POM121C: variants seen among roughly 807,000 people sequenced by gnomAD.
POM121C encodes nuclear envelope pore membrane protein POM 121C.
In POM121C, 20 loss-of-function variants were observed where a neutral mutation model predicts 66.4. The observed-to-expected ratio is 0.30, with a 90% CI of 0.21 to 0.44. The LOEUF is 0.44. Among genes scored for constraint, POM121C ranks in the 20% least tolerant of loss-of-function variants. The pLI, the probability that POM121C is intolerant of heterozygous loss-of-function variation, is 1.00. For missense variants in POM121C, 580 were observed against 1,225.7 expected, an observed-to-expected ratio of 0.47 and a Z score of 7.87; for synonymous variants, 286 against 528.0, an observed-to-expected ratio of 0.54 and a Z score of 6.28.
rs782053804 is a variant in POM121C at position 75,442,731 on chromosome 7, G to A, written c.-151-1084C>T. The A allele has an allele frequency of 3.4e-4, 456 of 1,352,846 alleles. 2 individuals are homozygous for A. The South Asian group carries it at 7.7e-3, about 23-fold the overall frequency. 83.8% of individuals were successfully genotyped at this position (1,352,846 alleles called of 1,614,324 possible). On this transcript the variant is annotated intron_variant, in intron 3 of 14. Coordinates refer to ENST00000615331, the MANE Select transcript of POM121C (RefSeq NM_001099415.3). ...GCCGCCGGAGACATCGCGGCTCCGC[G>A]CCGCGGAGGAGACTTAAATATCCCA...
intron 3 of POM121C, among the ~76,000 whole-genome samples, chr7:75,448,742 G>A (rs1790920173): frequency 6.7e-6 from 1 of 148,266 alleles, no homozygotes; most frequent in Non-Finnish European, 1.5e-5. Flanking sequence ...GGAGGTTGCA[G>A]TGAGCCGAGA....
Position 75,419,618 on chromosome 7 carries a change from G to A in POM121C, c.2744-176C>T, listed in dbSNP as rs587620576. 252 of 730,590 alleles carry A rather than the reference G, an allele frequency of 3.4e-4. 2 individuals carry two copies. In the East Asian group the frequency reaches 7.5e-3, roughly 22 times the overall value. The allele number at this position is 730,590 out of a possible 1,614,324, so 45.3% of individuals were successfully genotyped here. A position where few individuals can be genotyped will look rare whatever the true frequency, so the allele number is the denominator to read the frequency against. ...AGACAACCGAGTCTTCATGCCTGGT[G>A]CCCCAGCTCAGCCTGCTTCTCCCAC... On this transcript the variant is annotated intron_variant, in intron 13 of 14. Transcript: ENST00000615331.
chr7:75,481,025 C>CAA (rs199941717), intron 1 of POM121C, among the ~76,000 whole-genome samples: 5 of 136,646 alleles, frequency 3.7e-5, no homozygotes, highest in Non-Finnish European at 6.3e-5. Context: ...TCAAATAGTT[C>CAA]AAAAAATATA....
At chr7:75,484,365 G>A (rs1792426862) in intron 1 of POM121C, 2 of 640,112 alleles carry the variant, frequency 3.1e-6, no homozygotes, top group African/African-American at 3.7e-5. Context: ...AACACCCTGT[G>A]AACACTCAAC....
chr7:75,450,245 T>TA (rs1790976733), intron 3 of POM121C, among the ~76,000 whole-genome samples: 1 of 148,056 alleles, frequency 6.8e-6, no homozygotes, highest in Admixed American at 6.6e-5. Context: ...AGCAAACTAA[T>TA]AGAGACTTCC....
intron 3 of POM121C, among the ~76,000 whole-genome samples, chr7:75,468,387 G>A (rs1315862845): frequency 1.5e-5 from 2 of 136,564 alleles, no homozygotes; most frequent in East Asian, 2.1e-4. Flanking sequence ...GTGCAATCTC[G>A]GCTCACTGCA....
intron 3 of POM121C, among the ~76,000 whole-genome samples, chr7:75,450,102 G>C (rs1338120204): frequency 6.6e-6 from 1 of 152,150 alleles, no homozygotes; most frequent in Admixed American, 6.6e-5. Flanking sequence ...CTATCTGCAA[G>C]CCAATGAGAG....
intron 11 of POM121C, 80 bp downstream of exon 11, chr7:75,424,446 A>G: frequency 1.3e-6 from 2 of 1,558,078 alleles, no homozygotes; most frequent in Non-Finnish European, 8.8e-7. Flanking sequence ...AGAGAAACCC[A>G]TTTTTCCAAA....
intron 1 of POM121C, among the ~76,000 whole-genome samples, chr7:75,479,644 T>TAAAC (rs1207878686): frequency 4.8e-5 from 7 of 146,712 alleles, no homozygotes; most frequent in Non-Finnish European, 7.5e-5. Context: ...AATAAATAAA[T>TAAAC]AAATAAATAC....
chr7:75,441,403 G>A lies in POM121C; in HGVS notation c.65+29C>T, dbSNP rs782465008. 9 of 1,611,118 alleles carry A rather than the reference G, an allele frequency of 5.6e-6. No homozygotes were observed. In the African/African-American group the frequency reaches 9.4e-5, roughly 17 times the overall value. On this transcript the variant is annotated intron_variant, in intron 4 of 14. Transcript: ENST00000615331. ...GAAGAATAAAGTGGACACGAAAAGG[G>A]AGAGTATTCTTCCAACGATAATACT... is the stretch of plus-strand genomic sequence containing the variant.
rs587740924 is a variant in POM121C, at chr7:75,424,054, C to T, written c.1043G>A (p.Cys348Tyr). The change falls in exon 12 of 15, where the codon TGC becomes TAC. Residue 348 changes from cysteine to tyrosine, a missense_variant. Cys to Tyr is a radical substitution (Grantham distance 194). Transcript: ENST00000615331. ...ACGGCCCCACTCCAGCTCACCTGGG[C>T]AGGGTGGCAGGCTCGGGGGAGTCTG... ...KMQTPPSLPP[C>Y]PESAGAATTE... The T allele has an allele frequency of 6.2e-7, 1 of 1,611,368 alleles. No individual in the cohort carries two copies. The highest frequency in any genetic ancestry group is 1.1e-5 in the South Asian group (1 of 90,978).
chr7:75,431,367 G>A (rs1453759699), intron 7 of POM121C, among the ~76,000 whole-genome samples: 1 of 151,954 alleles, frequency 6.6e-6, no homozygotes, highest in Non-Finnish European at 1.5e-5. Flanking sequence ...ACTTTGGGAG[G>A]CCAAGGCAGT....
At chr7:75,455,696 C>A (rs1278010072) in intron 3 of POM121C, among the ~76,000 whole-genome samples, 1 of 151,954 alleles carries the variant, frequency 6.6e-6, no homozygotes. Context: ...TTGGGGTCCC[C>A]GCTCGCCCGT....
chr7:75,471,766 G>C (rs1172455064), intron 3 of POM121C, among the ~76,000 whole-genome samples: 1 of 152,136 alleles, frequency 6.6e-6, no homozygotes, highest in Non-Finnish European at 1.5e-5. Context: ...CCTACTACGC[G>C]CTGTCACGTG....
At chr7:75,431,571 C>A (rs1790181146) in intron 7 of POM121C, among the ~76,000 whole-genome samples, 1 of 127,012 alleles carries the variant, frequency 7.9e-6, no homozygotes, top group Admixed American at 9.6e-5. Context: ...CCATTGCATT[C>A]CAGCCTGGGC....
intron 3 of POM121C, among the ~76,000 whole-genome samples, chr7:75,448,502 G>GAAAAAAA: frequency 1.3e-5 from 1 of 79,062 alleles, no homozygotes; most frequent in Non-Finnish European, 2.2e-5. Flanking sequence ...AACAGAAACA[G>GAAAAAAA]AAAAAAAAAA....
intron 5 of POM121C, among the ~76,000 whole-genome samples, chr7:75,439,876 A>G (rs1790563190): frequency 6.9e-6 from 1 of 144,750 alleles, no homozygotes; most frequent in African/African-American, 2.5e-5. Flanking sequence ...TACAAACCAC[A>G]TAAGGAATTT....
rs1413909038 is a variant in POM121C, at chr7:75,442,675, C to A, written c.-151-1028G>T. 2.6e-5 allele frequency: 38 copies of A among 1,437,756 alleles called. No homozygotes were observed. The African/African-American group carries it at 5.7e-4, about 21-fold the overall frequency. 89.1% of individuals were successfully genotyped at this position (1,437,756 alleles called of 1,614,324 possible). A position where few individuals can be genotyped will look rare whatever the true frequency, so the allele number is the denominator to read the frequency against. ...GGCCGTCCCTGACACTCGCTATCGG[C>A]CGCCGCCGCTCGCCTGCTCCAGCCG... On this transcript the variant is annotated intron_variant, in intron 3 of 14. Coordinates refer to ENST00000615331, the MANE Select transcript of POM121C (RefSeq NM_001099415.3).
chr7:75,458,848 A>C (rs1182260308), intron 3 of POM121C, among the ~76,000 whole-genome samples: 4 of 152,254 alleles, frequency 2.6e-5, no homozygotes, highest in African/African-American at 4.8e-5. Flanking sequence ...TGAATGAGGA[A>C]AGACAATTAA....
Sources: allele counts gnomAD v4.1 joint callset (sites outside exome capture counted in the v4.1 genomes callset), GRCh38; gene constraint gnomAD v4.1.1; transcripts MANE v1.5; gene names NCBI Gene and HGNC (gene_info 2026-07-23, HGNC 2026-07-21).